The following TFCP2L1 variants were observed in gnomAD, a reference collection of about 807,000 sequenced individuals.
TFCP2L1 encodes transcription factor CP2-like protein 1.
Under a neutral mutation model 72.2 loss-of-function variants are expected in TFCP2L1, and 12 were observed. The ratio of observed to expected loss-of-function variants is 0.17; its 90% CI spans 0.11 to 0.27. The LOEUF (loss-of-function observed/expected upper bound fraction) is 0.27, where lower values mean the gene tolerates loss of function less well. Ranked by LOEUF, TFCP2L1 falls within the 10% of genes least tolerant of loss-of-function variation. The pLI, the probability that TFCP2L1 is intolerant of heterozygous loss-of-function variation, is 1.00. For missense variants in TFCP2L1, 488 were observed against 624.6 expected, an observed-to-expected ratio of 0.78 and a Z score of 2.33; for synonymous variants, 260 against 251.0, an observed-to-expected ratio of 1.04 and a Z score of -0.34.
intron 2 of TFCP2L1, among the ~76,000 whole-genome samples, chr2:121,260,944 T>A (rs1294924161): frequency 6.6e-6 from 1 of 152,198 alleles, no homozygotes; most frequent in African/African-American, 2.4e-5. Flanking sequence ...ACATAAAACA[T>A]AATGGAGGCC....
At chr2:121,277,709 CA>C (rs1177382881) in intron 2 of TFCP2L1, among the ~76,000 whole-genome samples, 1 of 152,026 alleles carries the variant, frequency 6.6e-6, no homozygotes, top group Non-Finnish European at 1.5e-5. Flanking sequence ...CAGCCATTAA[CA>C]GAAATGCAAG....
chr2:121,224,490 A>C (rs2104652215), intron 14 of TFCP2L1, 103 bp from the exon 15 acceptor site: 1 of 1,161,978 alleles, frequency 8.6e-7, no homozygotes, highest in South Asian at 1.3e-5. Context: ...AGCAAAGACC[A>C]CCAAAATAGG....
chr2:121,242,392 G>A lies in TFCP2L1; in HGVS notation c.735C>T (p.Tyr245=). ...EKRTAQEKEK[Y]QPSYETTILT... ...GGATGGTGGTTTCATAGGACGGCTG[G>A]TATTTCTCCTTCTCTTGGGCAGTTC... The change falls in exon 7 of 15, where the codon TAC becomes TAT. Residue 245 remains tyrosine, a synonymous_variant. Coordinates refer to ENST00000263707, the MANE Select transcript of TFCP2L1 (RefSeq NM_014553.3). 1 of 1,614,194 alleles carries A rather than the reference G, an allele frequency of 6.2e-7. No individual in the cohort carries two copies. The highest frequency in any genetic ancestry group is 8.5e-7 in the Non-Finnish European group (1 of 1,180,038).
chr2:121,257,128 TTG>T (rs1163268449), intron 2 of TFCP2L1, among the ~76,000 whole-genome samples: 1 of 152,074 alleles, frequency 6.6e-6, no homozygotes, highest in Non-Finnish European at 1.5e-5. Flanking sequence ...CCAGATTACT[TTG>T]TGATGAAAAC....
rs1260474525 is a variant in TFCP2L1, at chr2:121,218,454, G to A, written c.*5887C>T. The A allele has an allele frequency of 6.6e-6, 1 of 152,358 alleles. No homozygotes were observed. Among genetic ancestry groups the A allele is most frequent in the African/African-American group, 2.4e-5 (1 of 41,452 alleles). 9.4% of individuals were successfully genotyped at this position (152,358 alleles called of 1,614,324 possible). A position where few individuals can be genotyped will look rare whatever the true frequency, so the allele number is the denominator to read the frequency against. Reference sequence around the variant, plus strand: ...GGTAAGTGCTGATACAGGATGAGGGGTGCGGAGCTGAGGATGTTGTTCTCT... The same window carrying A: ...GGTAAGTGCTGATACAGGATGAGGGATGCGGAGCTGAGGATGTTGTTCTCT... On this transcript the variant is annotated 3_prime_UTR_variant, in exon 15 of 15. Transcript: ENST00000263707.
At chr2:121,246,748 C>A in intron 6 of TFCP2L1, 70 bp downstream of exon 6, 1 of 1,592,080 alleles carries the variant, frequency 6.3e-7, no homozygotes, top group Non-Finnish European at 8.6e-7. Context: ...ACTCCAGGGT[C>A]TCTGTGGGCG....
rs528796825 is a variant in TFCP2L1, at chr2:121,221,330, G to A, written c.*3011C>T. 2 of 152,160 alleles carry A rather than the reference G, an allele frequency of 1.3e-5. No individual in the cohort carries two copies. Among genetic ancestry groups the A allele is most frequent in the Admixed American group, 1.3e-4 (2 of 15,270 alleles). The allele number at this position is 152,160 out of a possible 1,614,324, so 9.4% of individuals were successfully genotyped here. On this transcript the variant is annotated 3_prime_UTR_variant, in exon 15 of 15. Coordinates refer to ENST00000263707, the MANE Select transcript of TFCP2L1 (RefSeq NM_014553.3). The stretch of plus-strand genomic sequence containing the variant: ...ATAGGACTCAGTACCGTTGACTCAG[G>A]TAAAGAGGGAGACAGCAAGAACAGA...
intron 6 of TFCP2L1, among the ~76,000 whole-genome samples, chr2:121,245,147 A>G (rs1261546266): frequency 6.6e-6 from 1 of 152,184 alleles, no homozygotes; most frequent in Non-Finnish European, 1.5e-5. Flanking sequence ...CAGCATCCTT[A>G]CAAAAGGAAG....
In TFCP2L1 at chr2:121,221,541, A is replaced by C. The variant is rs1685929497; in HGVS notation, c.*2800T>G. 1 of 152,236 alleles carries C rather than the reference A, an allele frequency of 6.6e-6. No homozygotes were observed. The highest frequency in any genetic ancestry group is 2.1e-4 in the South Asian group (1 of 4,828). 9.4% of individuals were successfully genotyped at this position (152,236 alleles called of 1,614,324 possible). A position where few individuals can be genotyped will look rare whatever the true frequency, so the allele number is the denominator to read the frequency against. On this transcript the variant is annotated 3_prime_UTR_variant, in exon 15 of 15. Transcript: ENST00000263707. ...TTTCTCAATAATCAGCAGTGGGACA[A>C]GTGGAGATCCACAAGCAAAAGAATG...
chr2:121,276,174 G>A (rs747575102), intron 2 of TFCP2L1, among the ~76,000 whole-genome samples: 7 of 152,160 alleles, frequency 4.6e-5, no homozygotes, highest in South Asian at 2.1e-4. Context: ...CCATCAACCC[G>A]TAACCTACGT....
chr2:121,281,412 C>T (rs962900802), intron 1 of TFCP2L1, 141 bp from the exon 2 acceptor site: 18 of 869,944 alleles, frequency 2.1e-5, no homozygotes, highest in Non-Finnish European at 2.8e-5. Flanking sequence ...TGGCTGCACT[C>T]CTGCAACCCT....
intron 2 of TFCP2L1, among the ~76,000 whole-genome samples, chr2:121,267,477 G>C (rs373902976): frequency 2.0e-5 from 3 of 151,548 alleles, no homozygotes; most frequent in East Asian, 3.9e-4. Context: ...CGACCATGTA[G>C]ACACCTATGA....
At chr2:121,239,899 C>T (rs1174382751) in intron 7 of TFCP2L1, among the ~76,000 whole-genome samples, 1 of 152,202 alleles carries the variant, frequency 6.6e-6, no homozygotes, top group Non-Finnish European at 1.5e-5. Context: ...TCTCTCTGGG[C>T]TTCCTAGCAG....
chr2:121,232,406 TG>T lies in TFCP2L1; in HGVS notation c.1199-439del, dbSNP rs562696395. Among the ~76,000 whole-genome samples, 146 of 152,290 alleles carry T rather than the reference TG, an allele frequency of 9.6e-4. 1 individual carries two copies. Among genetic ancestry groups the T allele is most frequent in the African/African-American group, 3.2e-3 (135 of 41,566 alleles). On this transcript the variant is annotated intron_variant, in intron 12 of 14. Coordinates refer to ENST00000263707, the MANE Select transcript of TFCP2L1 (RefSeq NM_014553.3). ...CGCTCGCCTCAGCCTCCCAAAGTGC[TG>T]GGATTACAGGGATGAGCCACTGCAC...
Position 121,224,283 on chromosome 2 carries a change from A to C in TFCP2L1, c.*58T>G. The C allele has an allele frequency of 6.2e-7, 1 of 1,601,150 alleles. No individual in the cohort carries two copies. Among genetic ancestry groups the C allele is most frequent in the Non-Finnish European group, 8.5e-7 (1 of 1,170,454 alleles). On this transcript the variant is annotated 3_prime_UTR_variant, in exon 15 of 15. Coordinates refer to ENST00000263707, the MANE Select transcript of TFCP2L1 (RefSeq NM_014553.3). Reference sequence around the variant, plus strand: ...CACAGCTTACAGTGGGGCAATGTCTACATCCACGGGGATCCACAGGGCTGG... The same window carrying C: ...CACAGCTTACAGTGGGGCAATGTCTCCATCCACGGGGATCCACAGGGCTGG...
Position 121,226,791 on chromosome 2 carries a change from A to G in TFCP2L1, c.1342-1178T>C, listed in dbSNP as rs141660402. Among the ~76,000 whole-genome samples the G allele has an allele frequency of 7.9e-5, 12 of 152,342 alleles. No individual in the cohort carries two copies. In the East Asian group the frequency reaches 2.3e-3, roughly 29 times the overall value. The stretch of plus-strand genomic sequence containing the variant: ...AGAGCAACAGGAACTGGTGTCCACT[A>G]CTGATGGGGATGTAAATCTTCCTAA... On this transcript the variant is annotated intron_variant, in intron 13 of 14. Transcript: ENST00000263707.
rs117943626 is a variant in TFCP2L1, at chr2:121,248,810, C to T, written c.397+172G>A. Among the ~76,000 whole-genome samples the T allele has an allele frequency of 1.0e-3, 157 of 152,316 alleles. 3 individuals are homozygous for T. The East Asian group carries it at 0.019, about 18-fold the overall frequency. ...TTTTCCACTGAAAAAGGGGACTCCT[C>T]GAGGGCAGGACCCAGTGTATGGTCA... On this transcript the variant is annotated intron_variant, in intron 4 of 14. Transcript: ENST00000263707.
At chr2:121,230,930 T>C (rs951315612) in intron 13 of TFCP2L1, among the ~76,000 whole-genome samples, 2 of 152,158 alleles carry the variant, frequency 1.3e-5, no homozygotes, top group Non-Finnish European at 2.9e-5. Context: ...AATATAAAAA[T>C]TTTAAAATAA....
intron 2 of TFCP2L1, among the ~76,000 whole-genome samples, chr2:121,259,533 A>G (rs1459941463): frequency 2.6e-5 from 4 of 152,244 alleles, no homozygotes; most frequent in African/African-American, 4.8e-5. Context: ...TACTAACCAT[A>G]ATAACTTTTT....
Sources: allele counts gnomAD v4.1 joint callset (sites outside exome capture counted in the v4.1 genomes callset), GRCh38; gene constraint gnomAD v4.1.1; transcripts MANE v1.5; gene names NCBI Gene and HGNC (gene_info 2026-07-23, HGNC 2026-07-21).